SHOX: variants seen among roughly 807,000 people sequenced by gnomAD.
The protein encoded by SHOX is SHOX homeobox.
Under a neutral mutation model 29.6 loss-of-function variants are expected in SHOX, and 12 were observed. The observed-to-expected ratio is 0.41, with a 90% confidence interval of 0.26 to 0.66. The LOEUF is 0.66. Ranked by LOEUF, SHOX falls within the 30% of genes least tolerant of loss-of-function variation. The pLI, the probability that SHOX is intolerant of heterozygous loss-of-function variation, is 0.35. For synonymous variants in SHOX, 214 were observed against 200.6 expected (o/e 1.07, Z -0.57); for missense variants, 499 against 437.7 (o/e 1.14, Z -1.25).
chrX:652,028 C>T (rs1195295454), downstream of SHOX, among the ~76,000 whole-genome samples: 8 of 151,964 alleles, frequency 5.3e-5, no homozygotes, highest in Non-Finnish European at 7.4e-5. Context: ...GTTCAAGCGA[C>T]TCTCCTGCCT....
downstream of SHOX, among the ~76,000 whole-genome samples, chrX:654,717 G>T (rs747734462): frequency 6.6e-6 from 1 of 152,010 alleles, no homozygotes; most frequent in Non-Finnish European, 1.5e-5. Context: ...ACAGAGTCTC[G>T]CTCTGTTGCC....
intron 1 of SHOX, among the ~76,000 whole-genome samples, chrX:631,385 G>T (rs767656839): frequency 2.0e-5 from 3 of 152,332 alleles, no homozygotes; most frequent in African/African-American, 7.2e-5. Flanking sequence ...CGGGGTGCGG[G>T]GGGACCCAGG....
rs1168989193 is a variant in SHOX at position 645,390 on chromosome X, A to ATTTTTTTTTTTTTT, written c.*774_*787dup. The ATTTTTTTTTTTTTT allele has an allele frequency of 4.6e-4, 36 of 78,362 alleles. No individual in the cohort carries two copies. The highest frequency in any genetic ancestry group is 2.5e-3 in the South Asian group (4 of 1,608). 4.9% of individuals were successfully genotyped at this position (78,362 alleles called of 1,614,324 possible). A position where few individuals can be genotyped will look rare whatever the true frequency, so the allele number is the denominator to read the frequency against. On this transcript the variant is annotated 3_prime_UTR_variant, in exon 5 of 5. Coordinates refer to ENST00000686671, the MANE Select transcript of SHOX (RefSeq NM_000451.4). ...GGGTCTGGTTTTGTTTTGGATTGGTATTTTTTTTTTTTTTTTTTTTTTTTT... is the reference window on the plus strand; with the variant it reads ...GGGTCTGGTTTTGTTTTGGATTGGTATTTTTTTTTTTTTTTTTTTTTTTTTTTTTTTTTTTTTTT...
chrX:625,864 ATC>A (rs1341490442), upstream of SHOX, among the ~76,000 whole-genome samples: 2 of 75,156 alleles, frequency 2.7e-5, no homozygotes, highest in East Asian at 3.6e-4. Context: ...ATCTCTGTCT[ATC>A]TCTGTCTCTC....
chrX:649,285 C>T lies in SHOX; in HGVS notation c.*4649C>T, dbSNP rs1004011271. 3.9e-5 allele frequency among the ~76,000 whole-genome samples: 6 copies of T among 152,050 alleles called. No homozygotes were observed. The highest frequency in any genetic ancestry group is 7.4e-5 in the Non-Finnish European group (5 of 68,018). Reference sequence around the variant, plus strand: ...AACTCCTGACCTCACATGATCCACCCGCCTCAGCCTCCCAGAGTGCTGGGA... The same window carrying T: ...AACTCCTGACCTCACATGATCCACCTGCCTCAGCCTCCCAGAGTGCTGGGA... On this transcript the variant is annotated 3_prime_UTR_variant, in exon 5 of 5. Transcript: ENST00000686671.
At chrX:625,343 C>T (rs2052503936) in intron 1 of SHOX, among the ~76,000 whole-genome samples, 1 of 151,374 alleles carries the variant, frequency 6.6e-6, no homozygotes, top group Non-Finnish European at 1.5e-5. Flanking sequence ...TTCTCTGAAA[C>T]CTGATTCTTT....
chrX:658,436 C>T (rs1266157420), intron 5 of SHOX, among the ~76,000 whole-genome samples: 1 of 150,218 alleles, frequency 6.7e-6, no homozygotes, highest in African/African-American at 2.5e-5. Context: ...CAGTTGCATG[C>T]AATATTAGGA....
chrX:626,226 A>G (rs1410863161), upstream of SHOX, among the ~76,000 whole-genome samples: 2 of 105,726 alleles, frequency 1.9e-5, no homozygotes, highest in African/African-American at 3.8e-5. Context: ...CTGTATCTCT[A>G]TCTCTGTCTC....
upstream of SHOX, among the ~76,000 whole-genome samples, chrX:627,487 A>G (rs1479646386): frequency 2.0e-5 from 3 of 152,204 alleles, no homozygotes; most frequent in Non-Finnish European, 4.4e-5. Flanking sequence ...TTACAGAAAG[A>G]TGAGATCTCT....
At chrX:636,244 CAT>C (rs1050093158) in intron 2 of SHOX, among the ~76,000 whole-genome samples, 29 of 142,052 alleles carry the variant, frequency 2.0e-4, no homozygotes, top group Admixed American at 3.5e-4. Flanking sequence ...AATCTATAAA[CAT>C]ATATAATATA....
Position 644,714 on chromosome X carries a change from C to T in SHOX, c.*78C>T, listed in dbSNP as rs2052932843. The T allele has an allele frequency of 7.4e-7, 1 of 1,345,548 alleles. No homozygotes were observed. Among genetic ancestry groups the T allele is most frequent in the Non-Finnish European group, 9.5e-7 (1 of 1,056,066 alleles). 83.4% of individuals were successfully genotyped at this position (1,345,548 alleles called of 1,614,324 possible). A position where few individuals can be genotyped will look rare whatever the true frequency, so the allele number is the denominator to read the frequency against. The stretch of plus-strand genomic sequence containing the variant: ...CTGCACCGCGCGTCCTGCACTCAAC[C>T]CCGCCTGGAGCTCCTTCCGCGGCCA... On this transcript the variant is annotated 3_prime_UTR_variant, in exon 5 of 5. Coordinates refer to ENST00000686671, the MANE Select transcript of SHOX (RefSeq NM_000451.4).
chrX:645,390 A>ATTTTTTTTTTTTTTT lies in SHOX; in HGVS notation c.*773_*787dup, dbSNP rs1168989193. The stretch of plus-strand genomic sequence containing the variant: ...GGGTCTGGTTTTGTTTTGGATTGGT[A>ATTTTTTTTTTTTTTT]TTTTTTTTTTTTTTTTTTTTTTTTT... On this transcript the variant is annotated 3_prime_UTR_variant, in exon 5 of 5. Coordinates refer to ENST00000686671, the MANE Select transcript of SHOX (RefSeq NM_000451.4). 48 of 78,360 alleles carry ATTTTTTTTTTTTTTT rather than the reference A, an allele frequency of 6.1e-4. 6 individuals are homozygous for ATTTTTTTTTTTTTTT. The highest frequency in any genetic ancestry group is 9.0e-4 in the Non-Finnish European group (38 of 42,272). The allele number at this position is 78,360 out of a possible 1,614,324, so 4.9% of individuals were successfully genotyped here.
chrX:626,350 C>A (rs1488753407), upstream of SHOX, among the ~76,000 whole-genome samples: 1 of 135,596 alleles, frequency 7.4e-6, no homozygotes. Flanking sequence ...CTCTGTCTAT[C>A]TCTGTCTCTC....
At chrX:630,479 T>C (rs1366966097), upstream of SHOX, 2 of 273,000 alleles carry the variant, frequency 7.3e-6, no homozygotes, top group East Asian at 1.8e-4. Flanking sequence ...AACTGGAGTT[T>C]GCTTTTCCTC....
rs1323149819 is a variant in SHOX, at chrX:644,419, T to G, written c.662T>G (p.Val221Gly). The G allele has an allele frequency of 2.0e-6, 3 of 1,521,488 alleles. No homozygotes were observed. The African/African-American group carries it at 4.3e-5, about 22-fold the overall frequency. 94.2% of individuals were successfully genotyped at this position (1,521,488 alleles called of 1,614,324 possible). A position where few individuals can be genotyped will look rare whatever the true frequency, so the allele number is the denominator to read the frequency against. Residue 221 changes from valine to glycine, a missense_variant, in exon 5 of 5, where the codon GTG becomes GGG. By Grantham distance (109) the Val-to-Gly change is moderately radical (BLOSUM62 -3). Coordinates refer to ENST00000686671, the MANE Select transcript of SHOX (RefSeq NM_000451.4). ...QVQAQLQLEG[V>G]AHAHPHLHPH... Reference sequence around the variant, plus strand: ...CAGGCTCAGCTGCAGCTGGAAGGCGTGGCCCACGCGCACCCGCACCTGCAC... The same window carrying G: ...CAGGCTCAGCTGCAGCTGGAAGGCGGGGCCCACGCGCACCCGCACCTGCAC...
chrX:645,866 C>T lies in SHOX; in HGVS notation c.*1230C>T, dbSNP rs1400473367. On this transcript the variant is annotated 3_prime_UTR_variant, in exon 5 of 5. Coordinates refer to ENST00000686671, the MANE Select transcript of SHOX (RefSeq NM_000451.4). ...TTCCAGCTTTTCTTTCTCCCCTACT[C>T]CATCTTCTGCGTTCCCCCAGTTCTT... 2.0e-5 allele frequency: 3 copies of T among 152,166 alleles called. No individual in the cohort carries two copies. The highest frequency in any genetic ancestry group is 7.2e-5 in the African/African-American group (3 of 41,438). 9.4% of individuals were successfully genotyped at this position (152,166 alleles called of 1,614,324 possible).
Position 644,886 on chromosome X carries a change from C to T in SHOX, c.*250C>T. On this transcript the variant is annotated 3_prime_UTR_variant, in exon 5 of 5. Transcript: ENST00000686671. Reference sequence around the variant, plus strand: ...GGCCGTGCGTCCAGCCCGGGCCTCTCCAAGGCTGCCCGTGCGTCCTGGGAC... The same window carrying T: ...GGCCGTGCGTCCAGCCCGGGCCTCTTCAAGGCTGCCCGTGCGTCCTGGGAC... 2.1e-6 allele frequency: 1 copy of T among 484,338 alleles called. No homozygotes were observed. Among genetic ancestry groups the T allele is most frequent in the Non-Finnish European group, 3.5e-6 (1 of 288,204 alleles). 30.0% of individuals were successfully genotyped at this position (484,338 alleles called of 1,614,324 possible). A position where few individuals can be genotyped will look rare whatever the true frequency, so the allele number is the denominator to read the frequency against.
rs1172097261 is a variant in SHOX, at chrX:647,233, G to C, written c.*2597G>C. Among the ~76,000 whole-genome samples, 2 of 151,178 alleles carry C rather than the reference G, an allele frequency of 1.3e-5. No homozygotes were observed. The highest frequency in any genetic ancestry group is 4.9e-5 in the African/African-American group (2 of 41,060). ...CTGGGATTACAGGCACCTGCCACCA[G>C]GCCTGGGTAACTTTCTGGTATTTTT... On this transcript the variant is annotated 3_prime_UTR_variant, in exon 5 of 5. Transcript: ENST00000686671.
chrX:656,092 T>C (rs186433110), downstream of SHOX, among the ~76,000 whole-genome samples: 5 of 138,174 alleles, frequency 3.6e-5, no homozygotes, highest in Admixed American at 7.0e-5. Flanking sequence ...GCAGAGTTGC[T>C]TGAGCCCAGG....
Sources: allele counts gnomAD v4.1 joint callset (sites outside exome capture counted in the v4.1 genomes callset), GRCh38; gene constraint gnomAD v4.1.1; transcripts MANE v1.5; gene names NCBI Gene and HGNC (gene_info 2026-07-23, HGNC 2026-07-21).